The following MEIS2 variants were observed in gnomAD, a reference collection of about 807,000 sequenced individuals.
The protein encoded by MEIS2 is homeobox protein Meis2.
MEIS2 carries 9 observed loss-of-function variants against 58.6 expected under a neutral mutation model. The observed-to-expected ratio is 0.15, with a 90% CI of 0.09 to 0.27. MEIS2 has a LOEUF of 0.27. Ranked by LOEUF, MEIS2 falls within the 10% of genes least tolerant of loss-of-function variation. The probability of loss-of-function intolerance (pLI) is 1.00; values close to 1 mark genes in which losing one functional copy is unlikely to be tolerated. For synonymous variants in MEIS2, 221 were observed against 228.4 expected (o/e 0.97, Z 0.29); for missense variants, 427 against 635.0 (o/e 0.67, Z 3.52).
chr15:36,946,443 C>CATCTGAGAAG (rs2058568523), intron 9 of MEIS2, among the ~76,000 whole-genome samples: 1 of 150,632 alleles, frequency 6.6e-6, no homozygotes, highest in African/African-American at 2.4e-5. Context: ...AAAAAACTAT[C>CATCTGAGAAG]ATCTGAGAAG....
At position 36,910,064 on chromosome 15, in the gene MEIS2, C is replaced by T. The variant is rs191793543; in HGVS notation, c.978-13378G>A. Among the ~76,000 whole-genome samples the T allele has an allele frequency of 2.7e-3, 413 of 152,024 alleles. 2 individuals carry two copies. Among genetic ancestry groups the T allele is most frequent in the Non-Finnish European group, 4.1e-3 (282 of 67,976 alleles). On this transcript the variant is annotated intron_variant, in intron 9 of 11. Transcript: ENST00000561208. Reference sequence around the variant, plus strand: ...CGAAAACCTTAAGAAATTAGTCAGGCATGGTGGCTTGTATCTGTGTGGTCC... The same window carrying T: ...CGAAAACCTTAAGAAATTAGTCAGGTATGGTGGCTTGTATCTGTGTGGTCC...
chr15:36,924,855 T>A (rs1467128766), intron 9 of MEIS2, among the ~76,000 whole-genome samples: 1 of 152,190 alleles, frequency 6.6e-6, no homozygotes, highest in Admixed American at 6.5e-5. Flanking sequence ...CAATCTCTCT[T>A]GCAAACGGAG....
chr15:37,019,164 C>A (rs776524936), intron 8 of MEIS2, among the ~76,000 whole-genome samples: 7 of 152,100 alleles, frequency 4.6e-5, no homozygotes, highest in Non-Finnish European at 1.0e-4. Context: ...ACAATCTGAC[C>A]CATTTTACAG....
chr15:37,069,670 C>T (rs964355804), intron 7 of MEIS2, among the ~76,000 whole-genome samples: 1 of 152,152 alleles, frequency 6.6e-6, no homozygotes, highest in East Asian at 1.9e-4. Context: ...TTCTAGACCT[C>T]CTGAATGCCC....
intron 11 of MEIS2, among the ~76,000 whole-genome samples, chr15:36,893,920 AT>A (rs1326661499): frequency 3.9e-5 from 6 of 152,134 alleles, no homozygotes; most frequent in Non-Finnish European, 5.9e-5. Flanking sequence ...TGTTATATGA[AT>A]TTTTTTATGC....
chr15:36,895,415 T>G (rs2056122524), intron 10 of MEIS2, 154 bp from the exon 11 acceptor site: 2 of 621,512 alleles, frequency 3.2e-6, no homozygotes, highest in South Asian at 2.0e-5. Context: ...TCTTGATGAC[T>G]GAGTGAAGGT....
chr15:37,028,942 C>T (rs1427225035), intron 8 of MEIS2, among the ~76,000 whole-genome samples: 3 of 151,266 alleles, frequency 2.0e-5, no homozygotes, highest in Non-Finnish European at 4.4e-5. Context: ...GAAGAACACT[C>T]AAGCTTACAG....
intron 9 of MEIS2, among the ~76,000 whole-genome samples, chr15:36,899,592 T>TGC (rs1007939457): frequency 3.3e-5 from 5 of 152,292 alleles, no homozygotes; most frequent in Admixed American, 3.3e-4. Flanking sequence ...CCTTTTTCAA[T>TGC]GCTCAAGTAG....
intron 7 of MEIS2, among the ~76,000 whole-genome samples, chr15:37,058,902 G>A (rs961097121): frequency 1.3e-5 from 2 of 151,644 alleles, no homozygotes; most frequent in African/African-American, 4.8e-5. Flanking sequence ...CATTTTTAAA[G>A]CAAACATACA....
At chr15:36,973,401 G>T (rs1179050971) in intron 8 of MEIS2, among the ~76,000 whole-genome samples, 3 of 152,158 alleles carry the variant, frequency 2.0e-5, no homozygotes, top group Non-Finnish European at 4.4e-5. Flanking sequence ...GTTAAAAGCT[G>T]TTCTTTGGTT....
intron 9 of MEIS2, among the ~76,000 whole-genome samples, chr15:36,947,451 C>T (rs1391019332): frequency 2.0e-5 from 3 of 151,984 alleles, no homozygotes; most frequent in African/African-American, 4.8e-5. Flanking sequence ...TTATTGCTCT[C>T]ATCAAGTGCG....
intron 8 of MEIS2, among the ~76,000 whole-genome samples, chr15:36,964,368 T>C (rs1454728263): frequency 1.3e-5 from 2 of 152,186 alleles, no homozygotes; most frequent in African/African-American, 4.8e-5. Flanking sequence ...TTGACCTGAG[T>C]CTGAAACAGG....
At chr15:37,029,532 A>G (rs2061832887) in intron 8 of MEIS2, among the ~76,000 whole-genome samples, 1 of 152,174 alleles carries the variant, frequency 6.6e-6, no homozygotes, top group African/African-American at 2.4e-5. Flanking sequence ...CTCCAGGGAT[A>G]CATTTGTGGA....
chr15:37,021,388 C>T (rs1423766934), intron 8 of MEIS2, among the ~76,000 whole-genome samples: 1 of 152,188 alleles, frequency 6.6e-6, no homozygotes, highest in Admixed American at 6.5e-5. Context: ...TCCCTCTTTC[C>T]CCTACGACTT....
intron 8 of MEIS2, among the ~76,000 whole-genome samples, chr15:37,034,570 G>A (rs754267298): frequency 2.0e-5 from 3 of 152,164 alleles, no homozygotes; most frequent in African/African-American, 4.8e-5. Context: ...AACTCTAATC[G>A]GTGGCCATGG....
intron 6 of MEIS2, among the ~76,000 whole-genome samples, chr15:37,088,245 T>C (rs1465953597): frequency 2.6e-5 from 4 of 152,018 alleles, no homozygotes; most frequent in Admixed American, 2.6e-4. Flanking sequence ...ACTTGGAAAA[T>C]AGAATAAAGT....
chr15:37,073,801 C>T (rs1455246910), intron 7 of MEIS2, among the ~76,000 whole-genome samples: 4 of 151,884 alleles, frequency 2.6e-5, no homozygotes, highest in African/African-American at 9.7e-5. Context: ...AGTCTACTTT[C>T]GTAAATCTTC....
Position 36,889,751 on chromosome 15 carries a change from T to C in MEIS2, c.*2422A>G, listed in dbSNP as rs2055787883. The C allele has an allele frequency of 6.6e-6, 1 of 152,146 alleles. No homozygotes were observed. The highest frequency in any genetic ancestry group is 2.4e-5 in the African/African-American group (1 of 41,438). 9.4% of individuals were successfully genotyped at this position (152,146 alleles called of 1,614,324 possible). On this transcript the variant is annotated 3_prime_UTR_variant, in exon 12 of 12. Transcript: ENST00000561208. The stretch of plus-strand genomic sequence containing the variant: ...ACCTGATGTGAGAGTTGATTTATAA[T>C]GGGGAATTTTCATAGTTTACATAAA...
intron 8 of MEIS2, among the ~76,000 whole-genome samples, chr15:37,032,919 C>A (rs1246790662): frequency 6.6e-6 from 1 of 152,112 alleles, no homozygotes; most frequent in African/African-American, 2.4e-5. Context: ...TTAAATGCCA[C>A]TTTGGACTTT....
Sources: allele counts gnomAD v4.1 joint callset (sites outside exome capture counted in the v4.1 genomes callset), GRCh38; gene constraint gnomAD v4.1.1; transcripts MANE v1.5; gene names NCBI Gene and HGNC (gene_info 2026-07-23, HGNC 2026-07-21).